Variants in LUZP2 observed in about 807,000 individuals in gnomAD.
The protein encoded by LUZP2 is leucine zipper protein 2.
In LUZP2, 52 loss-of-function variants were observed where a neutral mutation model predicts 51.6. That is an observed-to-expected ratio of 1.01 (90% CI 0.81 to 1.27). The LOEUF (loss-of-function observed/expected upper bound fraction) is 1.27, where lower values mean the gene tolerates loss of function less well. Among genes scored for constraint, LUZP2 ranks in the 50% most tolerant of loss-of-function variants. LUZP2 has a pLI of 0.00. For synonymous variants in LUZP2, 154 were observed against 137.3 expected, an observed-to-expected ratio of 1.12 and a Z score of -0.85; for missense variants, 436 against 395.4, an observed-to-expected ratio of 1.10 and a Z score of -0.87.
intron 9 of LUZP2, among the ~76,000 whole-genome samples, chr11:24,991,437 T>C (rs993944453): frequency 2.7e-5 from 4 of 148,622 alleles, no homozygotes; most frequent in Non-Finnish European, 4.5e-5. Flanking sequence ...TATATATACA[T>C]ATATCTCTCA....
intron 1 of LUZP2, among the ~76,000 whole-genome samples, chr11:24,520,196 G>A (rs537216501): frequency 3.3e-5 from 5 of 152,178 alleles, no homozygotes; most frequent in African/African-American, 1.2e-4. Context: ...CTGTCAAGAA[G>A]ATGCAATGGA....
intron 9 of LUZP2, among the ~76,000 whole-genome samples, chr11:25,004,285 A>G (rs1455484328): frequency 1.3e-5 from 2 of 152,150 alleles, no homozygotes; most frequent in Admixed American, 6.6e-5. Context: ...TCTTTTTTAA[A>G]GTGTCCTTGT....
intron 5 of LUZP2, among the ~76,000 whole-genome samples, chr11:24,800,479 A>G (rs1030690499): frequency 2.2e-4 from 33 of 151,680 alleles, no homozygotes; most frequent in Non-Finnish European, 2.4e-4. Flanking sequence ...AAGCATGTTC[A>G]GAGATCTAGT....
intron 9 of LUZP2, among the ~76,000 whole-genome samples, chr11:25,007,840 T>A (rs909922303): frequency 1.3e-5 from 2 of 152,190 alleles, no homozygotes; most frequent in African/African-American, 4.8e-5. Context: ...ATTAAAATTT[T>A]GCTGTGAAAT....
At chr11:24,647,541 A>G (rs1372868709) in intron 1 of LUZP2, among the ~76,000 whole-genome samples, 1 of 151,378 alleles carries the variant, frequency 6.6e-6, no homozygotes, top group East Asian at 1.9e-4. Context: ...GTTCAACTTG[A>G]TGAAATAAAG....
chr11:24,678,993 T>A (rs1373469392), intron 1 of LUZP2, among the ~76,000 whole-genome samples: 1 of 152,146 alleles, frequency 6.6e-6, no homozygotes, highest in Non-Finnish European at 1.5e-5. Context: ...AGGAAATGAG[T>A]TGTGAGAGGT....
intron 9 of LUZP2, among the ~76,000 whole-genome samples, chr11:25,025,057 A>G: frequency 6.6e-6 from 1 of 152,174 alleles, no homozygotes; most frequent in Admixed American, 6.6e-5. Context: ...AGGATTCCCT[A>G]TTTAATAAAT....
chr11:24,826,582 G>A (rs1323597197), intron 5 of LUZP2, among the ~76,000 whole-genome samples: 1 of 149,176 alleles, frequency 6.7e-6, no homozygotes, highest in African/African-American at 2.5e-5. Flanking sequence ...CTCACCAGAT[G>A]CCTGGTATAT....
chr11:24,736,608 ATC>A (rs1354718500), intron 3 of LUZP2, among the ~76,000 whole-genome samples: 1 of 151,858 alleles, frequency 6.6e-6, no homozygotes, highest in Non-Finnish European at 1.5e-5. Flanking sequence ...TGCATTTGTT[ATC>A]TGTCATAACA....
At chr11:24,645,306 G>A (rs898986241) in intron 1 of LUZP2, among the ~76,000 whole-genome samples, 56 of 152,128 alleles carry the variant, frequency 3.7e-4, no homozygotes, top group Admixed American at 5.2e-4. Flanking sequence ...AGAGTTTTAT[G>A]TTGAACATAT....
At chr11:24,641,662 C>T (rs537953510) in intron 1 of LUZP2, among the ~76,000 whole-genome samples, 4 of 151,662 alleles carry the variant, frequency 2.6e-5, no homozygotes, top group Middle Eastern at 6.3e-3. Context: ...TTCAAACTTC[C>T]GGATTAGTCT....
chr11:24,814,614 A>T (rs527644426), intron 5 of LUZP2, among the ~76,000 whole-genome samples: 2 of 152,218 alleles, frequency 1.3e-5, no homozygotes, highest in African/African-American at 4.8e-5. Flanking sequence ...CTAAAGTTCC[A>T]GATGACTTAT....
At chr11:24,583,957 C>T (rs948823229) in intron 1 of LUZP2, among the ~76,000 whole-genome samples, 3 of 151,920 alleles carry the variant, frequency 2.0e-5, no homozygotes, top group Admixed American at 6.6e-5. Context: ...TGTGATCCGC[C>T]GGTCTCGGCC....
intron 1 of LUZP2, among the ~76,000 whole-genome samples, chr11:24,536,372 C>T (rs1851178666): frequency 6.6e-6 from 1 of 151,832 alleles, no homozygotes; most frequent in African/African-American, 2.4e-5. Context: ...ACAGAAGAAT[C>T]TGTATTGAAA....
chr11:24,551,887 A>G (rs945336291), intron 1 of LUZP2, among the ~76,000 whole-genome samples: 2 of 152,020 alleles, frequency 1.3e-5, no homozygotes, highest in African/African-American at 4.8e-5. Flanking sequence ...TAGGAATCAC[A>G]TATGTCACCT....
In LUZP2 at chr11:24,996,866, G is replaced by A. The variant is rs199775890; in HGVS notation, c.765+13573G>A. ...TCCCATCTATCAGTAAGAATATGCG[G>A]TGTTTGGTTTTTTGTTCTTGCGATA... On this transcript the variant is annotated intron_variant, in intron 9 of 11. Transcript: ENST00000336930. Among the ~76,000 whole-genome samples the A allele has an allele frequency of 2.6e-4, 39 of 151,980 alleles. No homozygotes were observed. The East Asian group carries it at 7.2e-3, about 28-fold the overall frequency.
At chr11:24,895,807 T>C (rs1362422808) in intron 5 of LUZP2, among the ~76,000 whole-genome samples, 1 of 152,188 alleles carries the variant, frequency 6.6e-6, no homozygotes, top group Admixed American at 6.5e-5. Flanking sequence ...TGTGAGTGCA[T>C]GTGTCTTTTG....
intron 1 of LUZP2, among the ~76,000 whole-genome samples, chr11:24,562,527 TCAGGG>T (rs1852078696): frequency 1.3e-5 from 2 of 151,692 alleles, no homozygotes; most frequent in South Asian, 4.1e-4. Flanking sequence ...TGTAAGTCTA[TCAGGG>T]TAAGGACCCA....
Position 24,936,642 on chromosome 11 carries a change from C to T in LUZP2, c.522+22104C>T, listed in dbSNP as rs576736866. 2.0e-5 allele frequency among the ~76,000 whole-genome samples: 3 copies of T among 151,964 alleles called. No individual in the cohort carries two copies. In the East Asian group the frequency reaches 5.8e-4, roughly 29 times the overall value. On this transcript the variant is annotated intron_variant, in intron 7 of 11. Coordinates refer to ENST00000336930, the MANE Select transcript of LUZP2 (RefSeq NM_001009909.4). Reference sequence around the variant, plus strand: ...ACCTGCTTGCCACAGAGACGCCAGCCCTCTCTCTGTCTATAAAGTAATGTG... The same window carrying T: ...ACCTGCTTGCCACAGAGACGCCAGCTCTCTCTCTGTCTATAAAGTAATGTG...
Sources: allele counts gnomAD v4.1 joint callset (sites outside exome capture counted in the v4.1 genomes callset), GRCh38; gene constraint gnomAD v4.1.1; transcripts MANE v1.5; gene names NCBI Gene and HGNC (gene_info 2026-07-23, HGNC 2026-07-21).